GALNTL6: variants seen among roughly 807,000 people sequenced by gnomAD.
GALNTL6 encodes polypeptide N-acetylgalactosaminyltransferase-like 6.
A neutral mutation model predicts 73.7 loss-of-function variants in GALNTL6; 46 were observed. That is an observed-to-expected ratio of 0.62 (90% CI 0.49 to 0.80). The LOEUF (loss-of-function observed/expected upper bound fraction) is 0.80, where lower values mean the gene tolerates loss of function less well. Among genes scored for constraint, GALNTL6 ranks in the 30% least tolerant of loss-of-function variants. The pLI, the probability that GALNTL6 is intolerant of heterozygous loss-of-function variation, is 0.00. For synonymous variants in GALNTL6, 259 were observed against 263.7 expected (o/e 0.98, Z 0.17); for missense variants, 604 against 755.0 (o/e 0.80, Z 2.34).
At chr4:172,714,395 A>G (rs1359376621) in intron 5 of GALNTL6, among the ~76,000 whole-genome samples, 1 of 152,112 alleles carries the variant, frequency 6.6e-6, no homozygotes, top group Non-Finnish European at 1.5e-5. Context: ...TTGAGCAAGT[A>G]ACATCACTGA....
intron 2 of GALNTL6, among the ~76,000 whole-genome samples, chr4:171,886,443 T>C (rs1486408063): frequency 6.6e-6 from 1 of 151,766 alleles, no homozygotes; most frequent in East Asian, 1.9e-4. Flanking sequence ...CACACCTGTA[T>C]TGATTATATA....
intron 2 of GALNTL6, among the ~76,000 whole-genome samples, chr4:172,140,000 C>CTT (rs10569662): frequency 9.4e-5 from 14 of 149,076 alleles, no homozygotes; most frequent in African/African-American, 3.4e-4. Context: ...TTTAAATAGT[C>CTT]TTTTTTTTTT....
intron 5 of GALNTL6, among the ~76,000 whole-genome samples, chr4:172,780,904 G>A (rs12643742): frequency 7.9e-5 from 12 of 152,134 alleles, no homozygotes; most frequent in African/African-American, 2.4e-4. Context: ...CTGCTCACAC[G>A]AGAGGACAGA....
chr4:173,035,304 G>A lies in GALNTL6; in HGVS notation c.1639-4629G>A, dbSNP rs184007258. ...AGCAATTGTCCTGCTTCAGCCTCCC[G>A]AGTAGTTGGGATTACAGGCATGTAC... On this transcript the variant is annotated intron_variant, in intron 12 of 12. Coordinates refer to ENST00000506823, the MANE Select transcript of GALNTL6 (RefSeq NM_001034845.3). Among the ~76,000 whole-genome samples, 715 of 151,718 alleles carry A rather than the reference G, an allele frequency of 4.7e-3. 5 individuals are homozygous for A. Among genetic ancestry groups the A allele is most frequent in the African/African-American group, 0.017 (688 of 41,324 alleles).
chr4:172,207,006 G>A (rs28712475), intron 2 of GALNTL6, among the ~76,000 whole-genome samples: 5,453 of 150,538 alleles, frequency 0.036, 114 homozygotes, highest in African/African-American at 0.055. Context: ...TTTAGTAGAG[G>A]CGGGGTTTCA....
chr4:172,983,423 G>A (rs899928029), intron 10 of GALNTL6, among the ~76,000 whole-genome samples: 11 of 152,154 alleles, frequency 7.2e-5, no homozygotes, highest in Non-Finnish European at 1.2e-4. Flanking sequence ...GGACAGGTGC[G>A]GTGGCTCACA....
At chr4:173,009,514 T>C (rs1752451192) in intron 11 of GALNTL6, among the ~76,000 whole-genome samples, 1 of 152,234 alleles carries the variant, frequency 6.6e-6, no homozygotes, top group African/African-American at 2.4e-5. Flanking sequence ...GTTCAGATAA[T>C]GTACACAATT....
chr4:172,931,171 G>C lies in GALNTL6; in HGVS notation c.1052G>C (p.Cys351Ser), dbSNP rs1195498822. 6.3e-7 allele frequency: 1 copy of C among 1,594,188 alleles called. No homozygotes were observed. The highest frequency in any genetic ancestry group is 8.6e-7 in the Non-Finnish European group (1 of 1,161,958). ...QYEISFKVWM[C>S]GGEMFDVPCS... ...TTTTTCCCTCTTCAGGTTTGGATGT[G>C]TGGAGGAGAAATGTTTGATGTTCCA... Residue 351 changes from cysteine to serine, a missense_variant, in exon 9 of 13, where the codon TGT becomes TCT. Around this residue, in one of 5 missense-constraint regions of GALNTL6, gnomAD observed 14 missense variants for 40.8 expected, o/e 0.34. Coordinates refer to ENST00000506823, the MANE Select transcript of GALNTL6 (RefSeq NM_001034845.3).
chr4:172,779,826 G>A (rs986391415), intron 5 of GALNTL6, among the ~76,000 whole-genome samples: 40 of 152,174 alleles, frequency 2.6e-4, no homozygotes, highest in Admixed American at 6.5e-5. Flanking sequence ...AAAATAGTTT[G>A]CTGCTGTGAT....
At chr4:171,894,381 A>G (rs1736848367) in intron 2 of GALNTL6, among the ~76,000 whole-genome samples, 1 of 152,224 alleles carries the variant, frequency 6.6e-6, no homozygotes, top group South Asian at 2.1e-4. Flanking sequence ...ATTATGATTA[A>G]TAATTAATAT....
chr4:172,502,249 A>G (rs1734288003), intron 5 of GALNTL6, among the ~76,000 whole-genome samples: 1 of 152,216 alleles, frequency 6.6e-6, no homozygotes, highest in African/African-American at 2.4e-5. Context: ...CTAGACTGTT[A>G]CTAAACTCAT....
chr4:172,990,641 C>G lies in GALNTL6; in HGVS notation c.1372-18537C>G, dbSNP rs1751500505. 2.0e-5 allele frequency among the ~76,000 whole-genome samples: 3 copies of G among 152,132 alleles called. No individual in the cohort carries two copies. In the East Asian group the frequency reaches 5.8e-4, roughly 29 times the overall value. ...TGCACTCAAAAGCAGCTGTCAGAGT[C>G]TTATAGCTGATTATAAACTGCCGTT... On this transcript the variant is annotated intron_variant, in intron 10 of 12. Transcript: ENST00000506823.
At chr4:172,260,484 T>C (rs1738221483) in intron 3 of GALNTL6, among the ~76,000 whole-genome samples, 1 of 151,658 alleles carries the variant, frequency 6.6e-6, no homozygotes, top group Admixed American at 6.6e-5. Context: ...AATTTATTTG[T>C]CAGTTCTAGG....
At chr4:172,618,395 G>A (rs966744998) in intron 5 of GALNTL6, among the ~76,000 whole-genome samples, 3 of 152,258 alleles carry the variant, frequency 2.0e-5, no homozygotes, top group East Asian at 1.9e-4. Context: ...GAGTGCTTCC[G>A]TAAAAACATC....
chr4:172,254,179 G>A (rs1203894214), intron 3 of GALNTL6, among the ~76,000 whole-genome samples: 1 of 151,802 alleles, frequency 6.6e-6, no homozygotes, highest in Non-Finnish European at 1.5e-5. Flanking sequence ...CATTCACACA[G>A]AAAGGAATTC....
intron 2 of GALNTL6, among the ~76,000 whole-genome samples, chr4:171,850,904 G>C (rs185218393): frequency 6.6e-6 from 1 of 152,142 alleles, no homozygotes; most frequent in African/African-American, 2.4e-5. Flanking sequence ...GCTATTACTG[G>C]GTTAGTTTTA....
intron 5 of GALNTL6, among the ~76,000 whole-genome samples, chr4:172,588,063 T>C (rs1157962217): frequency 1.3e-5 from 2 of 152,164 alleles, no homozygotes; most frequent in Admixed American, 6.5e-5. Flanking sequence ...ATGGTTGATA[T>C]TAGTAGACTA....
chr4:172,605,908 C>T (rs1256914524), intron 5 of GALNTL6, among the ~76,000 whole-genome samples: 1 of 152,036 alleles, frequency 6.6e-6, no homozygotes, highest in Non-Finnish European at 1.5e-5. Flanking sequence ...TCTCACAGAT[C>T]GAATACCAGG....
Position 172,306,926 on chromosome 4 carries a change from A to G in GALNTL6, c.248-4688A>G, listed in dbSNP as rs142383317. Among the ~76,000 whole-genome samples, 303 of 152,304 alleles carry G rather than the reference A, an allele frequency of 2.0e-3. 1 individual carries two copies. Among genetic ancestry groups the G allele is most frequent in the African/African-American group, 6.9e-3 (285 of 41,570 alleles). On this transcript the variant is annotated intron_variant, in intron 3 of 12. Coordinates refer to ENST00000506823, the MANE Select transcript of GALNTL6 (RefSeq NM_001034845.3). The stretch of plus-strand genomic sequence containing the variant: ...GCGAATTGTGCTGTTATAAACATGC[A>G]TATGTAAGTGTCTTTTTCTTATGAT...
Sources: allele counts gnomAD v4.1 joint callset (sites outside exome capture counted in the v4.1 genomes callset), GRCh38; gene constraint gnomAD v4.1.1; regional missense constraint gnomAD v4.1.1; transcripts MANE v1.5; gene names NCBI Gene and HGNC (gene_info 2026-07-23, HGNC 2026-07-21).